The following PPP1R9A variants were observed in gnomAD, a reference collection of about 807,000 sequenced individuals.
The protein encoded by PPP1R9A is protein phosphatase 1 regulatory subunit 9A.
In PPP1R9A, 59 loss-of-function variants were observed where a neutral mutation model predicts 141.9. The observed-to-expected ratio is 0.42, with a 90% confidence interval of 0.34 to 0.52. PPP1R9A has a LOEUF of 0.52. Ranked by LOEUF, PPP1R9A falls within the 20% of genes least tolerant of loss-of-function variation. The probability of loss-of-function intolerance (pLI) is 0.10; values close to 1 mark genes in which losing one functional copy is unlikely to be tolerated. For missense variants in PPP1R9A, 1,444 were observed against 1,611.9 expected, an observed-to-expected ratio of 0.90 and a Z score of 1.78; for synonymous variants, 500 against 569.7, an observed-to-expected ratio of 0.88 and a Z score of 1.74.
At chr7:95,288,831 TC>T in intron 19 of PPP1R9A, 113 bp downstream of exon 19, 1 of 1,278,196 alleles carries the variant, frequency 7.8e-7, no homozygotes, top group Admixed American at 2.7e-5. Flanking sequence ...GTAATTCTCA[TC>T]AATATTCAGC....
chr7:95,105,595 A>G (rs1022911397), intron 2 of PPP1R9A, among the ~76,000 whole-genome samples: 2 of 152,356 alleles, frequency 1.3e-5, no homozygotes, highest in Non-Finnish European at 1.5e-5. Flanking sequence ...TTGGTGTTGA[A>G]CATTAGGACT....
intron 2 of PPP1R9A, among the ~76,000 whole-genome samples, chr7:95,054,325 A>T (rs1317677296): frequency 6.6e-6 from 1 of 150,590 alleles, no homozygotes; most frequent in Admixed American, 6.6e-5. Context: ...GGGTTTCACC[A>T]TGTTGGTCAG....
At chr7:95,180,179 A>G (rs1035282127) in intron 5 of PPP1R9A, among the ~76,000 whole-genome samples, 9 of 152,182 alleles carry the variant, frequency 5.9e-5, no homozygotes, top group Non-Finnish European at 1.0e-4. Flanking sequence ...AAATAGGCAT[A>G]TAGACCAATG....
chr7:95,111,676 C>T (rs1210394470), intron 3 of PPP1R9A, among the ~76,000 whole-genome samples: 1 of 152,064 alleles, frequency 6.6e-6, no homozygotes, highest in Non-Finnish European at 1.5e-5. Flanking sequence ...CTGGAAAGGG[C>T]TGCTACAGCT....
chr7:95,281,953 C>A (rs924980639), intron 16 of PPP1R9A, among the ~76,000 whole-genome samples: 1 of 151,892 alleles, frequency 6.6e-6, no homozygotes, highest in Non-Finnish European at 1.5e-5. Flanking sequence ...TCAGAGATAC[C>A]CAATTATAAG....
chr7:95,197,912 G>C (rs537226639), intron 5 of PPP1R9A, among the ~76,000 whole-genome samples: 2 of 152,302 alleles, frequency 1.3e-5, no homozygotes, highest in African/African-American at 4.8e-5. Context: ...GCCTCCCAAA[G>C]TGTTGGGATT....
At chr7:95,060,651 G>T (rs554660590) in intron 2 of PPP1R9A, among the ~76,000 whole-genome samples, 10 of 152,290 alleles carry the variant, frequency 6.6e-5, no homozygotes, top group Middle Eastern at 3.4e-3. Context: ...GTTACAACTG[G>T]ATTTAGATGC....
intron 2 of PPP1R9A, among the ~76,000 whole-genome samples, chr7:94,950,052 G>C (rs1796306223): frequency 6.6e-6 from 1 of 151,782 alleles, no homozygotes; most frequent in African/African-American, 2.4e-5. Context: ...CTTTGTCTAG[G>C]TGAATTATAT....
rs1289162519 is a variant in PPP1R9A, at chr7:94,982,733, T to A, written c.1395+71225T>A. ...GTAGATTCTGGATATTAGCCCTTTG[T>A]CAGATGAGTAGATTGCAAAAATTTT... On this transcript the variant is annotated intron_variant, in intron 2 of 19. Transcript: ENST00000433360. Among the ~76,000 whole-genome samples the A allele has an allele frequency of 6.6e-5, 10 of 152,354 alleles. No homozygotes were observed. In the East Asian group the frequency reaches 1.2e-3, roughly 18 times the overall value.
intron 2 of PPP1R9A, among the ~76,000 whole-genome samples, chr7:94,958,615 G>T (rs1797305716): frequency 6.6e-6 from 1 of 151,974 alleles, no homozygotes; most frequent in East Asian, 1.9e-4. Context: ...AAAAAATAAT[G>T]AACAGCCTTA....
intron 2 of PPP1R9A, among the ~76,000 whole-genome samples, chr7:95,077,486 C>T (rs1185689415): frequency 1.3e-5 from 2 of 151,952 alleles, no homozygotes; most frequent in Admixed American, 6.6e-5. Flanking sequence ...ATCTCTTATA[C>T]AGATTTAAGA....
chr7:95,049,831 G>A (rs1810541692), intron 2 of PPP1R9A, among the ~76,000 whole-genome samples: 1 of 152,088 alleles, frequency 6.6e-6, no homozygotes, highest in African/African-American at 2.4e-5. Flanking sequence ...TTTCCTCCCT[G>A]TCTTTTCATG....
intron 4 of PPP1R9A, among the ~76,000 whole-genome samples, chr7:95,134,982 A>G (rs1436957493): frequency 6.6e-6 from 1 of 152,120 alleles, no homozygotes; most frequent in African/African-American, 2.4e-5. Context: ...AAACACTGTG[A>G]CTTCTGAATC....
intron 2 of PPP1R9A, among the ~76,000 whole-genome samples, chr7:94,974,049 C>T (rs1403195951): frequency 6.6e-6 from 1 of 152,020 alleles, no homozygotes; most frequent in South Asian, 2.1e-4. Flanking sequence ...ATGTAGACAC[C>T]ATTTAGGAAA....
chr7:95,261,305 T>G (rs1453063467), intron 12 of PPP1R9A, among the ~76,000 whole-genome samples: 2 of 152,196 alleles, frequency 1.3e-5, no homozygotes, highest in African/African-American at 4.8e-5. Context: ...GTTCTGAAAA[T>G]TGTGCCAACC....
rs763985954 is a variant in PPP1R9A at position 95,072,424 on chromosome 7, T to A, written c.1396-38835T>A. Among the ~76,000 whole-genome samples the A allele has an allele frequency of 2.2e-3, 323 of 143,974 alleles. 2 individuals are homozygous for A. Among genetic ancestry groups the A allele is most frequent in the Middle Eastern group, 7.3e-3 (2 of 274 alleles). The allele number at this position is 143,974 out of a possible 152,430, so 94.5% of individuals were successfully genotyped here. ...GACAGGGACATTTATTTATGATTCATCTCAAACTGGAAGGTAGTTTTCAAT... is the reference window on the plus strand; with the variant it reads ...GACAGGGACATTTATTTATGATTCAACTCAAACTGGAAGGTAGTTTTCAAT... On this transcript the variant is annotated intron_variant, in intron 2 of 19. Transcript: ENST00000433360.
intron 5 of PPP1R9A, among the ~76,000 whole-genome samples, chr7:95,195,579 G>A (rs988779761): frequency 6.6e-6 from 1 of 151,454 alleles, no homozygotes; most frequent in Non-Finnish European, 1.5e-5. Flanking sequence ...TGTCCAGCAT[G>A]AATATTTATA....
chr7:94,977,482 T>C (rs1378627496), intron 2 of PPP1R9A, among the ~76,000 whole-genome samples: 2 of 152,268 alleles, frequency 1.3e-5, no homozygotes, highest in East Asian at 3.9e-4. Flanking sequence ...GAATTGACCA[T>C]TGAGCAACAT....
intron 10 of PPP1R9A, among the ~76,000 whole-genome samples, chr7:95,251,398 A>G (rs750445885): frequency 6.6e-6 from 1 of 152,170 alleles, no homozygotes. Flanking sequence ...TCAGTTTACT[A>G]TACTATGCTT....
Sources: allele counts gnomAD v4.1 joint callset (sites outside exome capture counted in the v4.1 genomes callset), GRCh38; gene constraint gnomAD v4.1.1; transcripts MANE v1.5; gene names NCBI Gene and HGNC (gene_info 2026-07-23, HGNC 2026-07-21).